Variants in AKT3 observed in about 807,000 individuals in gnomAD.
AKT3 encodes the protein RAC-gamma serine/threonine-protein kinase.
AKT3 carries 15 observed loss-of-function variants against 65.3 expected under a neutral mutation model. The observed-to-expected ratio is 0.23, with a 90% CI of 0.15 to 0.35. The LOEUF is 0.35. AKT3 is among the 10% of genes least tolerant of loss of function. The pLI is 1.00. For synonymous variants in AKT3, 206 were observed against 183.8 expected (o/e 1.12, Z -0.98); for missense variants, 243 against 576.5 (o/e 0.42, Z 5.92).
In AKT3 at chr1:243,703,709, C is replaced by T. The variant is rs1685611478; in HGVS notation, c.47-7993G>A. ...CAGGAAGCGGGAGGTTGCAGTGAGC[C>T]GAGATTGCACCACTGCACTCCAATC... On this transcript the variant is annotated intron_variant, in intron 2 of 13. Transcript: ENST00000673466. 2.8e-5 allele frequency among the ~76,000 whole-genome samples: 4 copies of T among 143,582 alleles called. No homozygotes were observed. The South Asian group carries it at 6.5e-4, about 23-fold the overall frequency. 94.2% of individuals were successfully genotyped at this position (143,582 alleles called of 152,430 possible). A position where few individuals can be genotyped will look rare whatever the true frequency, so the allele number is the denominator to read the frequency against.
intron 9 of AKT3, among the ~76,000 whole-genome samples, chr1:243,569,422 G>A (rs532905475): frequency 6.6e-6 from 1 of 152,284 alleles, no homozygotes; most frequent in South Asian, 2.1e-4. Context: ...TATATAGGGG[G>A]AAATCCAGTG....
At chr1:243,536,535 T>C (rs1330769551) in intron 12 of AKT3, among the ~76,000 whole-genome samples, 1 of 152,218 alleles carries the variant, frequency 6.6e-6, no homozygotes, top group Non-Finnish European at 1.5e-5. Context: ...AAATTATTAT[T>C]GTTGCCTCTG....
At chr1:243,575,089 G>A (rs1674845887) in intron 8 of AKT3, among the ~76,000 whole-genome samples, 1 of 152,108 alleles carries the variant, frequency 6.6e-6, no homozygotes, top group Non-Finnish European at 1.5e-5. Context: ...TATGGAACTT[G>A]TTAAGATAAC....
intron 8 of AKT3, among the ~76,000 whole-genome samples, chr1:243,598,228 C>G (rs1558643058): frequency 1.3e-5 from 2 of 151,928 alleles, no homozygotes; most frequent in Admixed American, 6.6e-5. Context: ...GAAAAATCAT[C>G]CTTAAGGTTT....
At position 243,502,264 on chromosome 1, in the gene AKT3, T is replaced by C. The variant is rs1235889499; in HGVS notation, c.*2985A>G. ...CCCTGCAGTTAGTAAGGAAGGCCCTTACTTTTGTACTCTAGGAGAAGCAAG... is the reference window on the plus strand; with the variant it reads ...CCCTGCAGTTAGTAAGGAAGGCCCTCACTTTTGTACTCTAGGAGAAGCAAG... On this transcript the variant is annotated 3_prime_UTR_variant, in exon 14 of 14. Coordinates refer to ENST00000673466, the MANE Select transcript of AKT3 (RefSeq NM_005465.7). The C allele has an allele frequency of 4.3e-6, 1 of 232,926 alleles. No homozygotes were observed. Among genetic ancestry groups the C allele is most frequent in the Non-Finnish European group, 8.5e-6 (1 of 117,822 alleles). 14.4% of individuals were successfully genotyped at this position (232,926 alleles called of 1,614,324 possible). A position where few individuals can be genotyped will look rare whatever the true frequency, so the allele number is the denominator to read the frequency against.
At chr1:243,848,957 G>A (rs1333708055) in intron 1 of AKT3, among the ~76,000 whole-genome samples, 1 of 152,204 alleles carries the variant, frequency 6.6e-6, no homozygotes, top group East Asian at 1.9e-4. Context: ...TGACTTGTGG[G>A]TAAGCATTTC....
At chr1:243,599,045 TG>T (rs1676826665) in intron 8 of AKT3, among the ~76,000 whole-genome samples, 1 of 152,128 alleles carries the variant, frequency 6.6e-6, no homozygotes. Context: ...GATGATTTCA[TG>T]GGTCAAAAGT....
chr1:243,824,525 T>G (rs1037224145), intron 2 of AKT3, among the ~76,000 whole-genome samples: 2 of 152,046 alleles, frequency 1.3e-5, no homozygotes, highest in African/African-American at 4.8e-5. Context: ...AGGGCTAATA[T>G]TCAGAATCTA....
chr1:243,767,170 C>T (rs2148264050), intron 2 of AKT3, among the ~76,000 whole-genome samples: 1 of 152,072 alleles, frequency 6.6e-6, no homozygotes, highest in Admixed American at 6.5e-5. Context: ...ATGTAGGTAT[C>T]AAAAGAAAGT....
At chr1:243,706,742 G>GA (rs1685830732) in intron 2 of AKT3, among the ~76,000 whole-genome samples, 1 of 152,174 alleles carries the variant, frequency 6.6e-6, no homozygotes. Context: ...AAGGAAACAT[G>GA]AATGTCCTCA....
chr1:243,685,553 C>G (rs1684227668), intron 3 of AKT3, among the ~76,000 whole-genome samples: 2 of 152,104 alleles, frequency 1.3e-5, no homozygotes, highest in South Asian at 4.1e-4. Flanking sequence ...TGTTTTGGTA[C>G]CAGTAGCACG....
intron 6 of AKT3, among the ~76,000 whole-genome samples, chr1:243,631,077 G>T (rs992233171): frequency 1.3e-5 from 2 of 152,000 alleles, no homozygotes; most frequent in South Asian, 2.1e-4. Context: ...GTGTCCCAGT[G>T]CATATAAGTT....
chr1:243,509,811 C>G (rs184402414), intron 13 of AKT3, among the ~76,000 whole-genome samples: 1 of 152,070 alleles, frequency 6.6e-6, no homozygotes, highest in African/African-American at 2.4e-5. Context: ...CTCAGGCACA[C>G]GGGAGGACAA....
At chr1:243,803,485 G>C (rs897614723) in intron 2 of AKT3, among the ~76,000 whole-genome samples, 1 of 152,116 alleles carries the variant, frequency 6.6e-6, no homozygotes, top group African/African-American at 2.4e-5. Context: ...TTATAAAAAA[G>C]AAAAGGCTTC....
chr1:243,816,009 T>G (rs1693498230), intron 2 of AKT3, among the ~76,000 whole-genome samples: 1 of 152,006 alleles, frequency 6.6e-6, no homozygotes, highest in South Asian at 2.1e-4. Context: ...GGGAAAGGAG[T>G]GACTTAGCTA....
chr1:243,825,621 C>T (rs1694121064), intron 2 of AKT3, among the ~76,000 whole-genome samples: 1 of 152,116 alleles, frequency 6.6e-6, no homozygotes, highest in Non-Finnish European at 1.5e-5. Context: ...AGCTGTAAAA[C>T]CTGTGACTAT....
chr1:243,525,148 T>C (rs996607816), intron 12 of AKT3, among the ~76,000 whole-genome samples: 2 of 152,096 alleles, frequency 1.3e-5, no homozygotes, highest in African/African-American at 4.8e-5. Flanking sequence ...GAACCACACA[T>C]GCACAGGGCA....
At chr1:243,692,166 G>C (rs1472875428) in intron 3 of AKT3, among the ~76,000 whole-genome samples, 1 of 152,108 alleles carries the variant, frequency 6.6e-6, no homozygotes, top group Non-Finnish European at 1.5e-5. Context: ...AAGCAGGAAG[G>C]CCATTCTTAC....
At chr1:243,768,240 CTT>C (rs1479364747) in intron 2 of AKT3, among the ~76,000 whole-genome samples, 1 of 151,666 alleles carries the variant, frequency 6.6e-6, no homozygotes, top group African/African-American at 2.4e-5. Flanking sequence ...GGCAAAAAGT[CTT>C]TGACAAAATC....
Sources: allele counts gnomAD v4.1 joint callset (sites outside exome capture counted in the v4.1 genomes callset), GRCh38; gene constraint gnomAD v4.1.1; transcripts MANE v1.5; gene names NCBI Gene and HGNC (gene_info 2026-07-23, HGNC 2026-07-21).